TRPS1: variants seen among roughly 807,000 people sequenced by gnomAD.
The protein encoded by TRPS1 is zinc finger transcription factor Trps1.
A neutral mutation model predicts 101.2 loss-of-function variants in TRPS1; 6 were observed. The observed-to-expected ratio is 0.06, with a 90% CI of 0.03 to 0.12. The LOEUF is 0.12. TRPS1 is among the 10% of genes least tolerant of loss of function. The pLI is 1.00. For synonymous variants in TRPS1, 578 were observed against 589.8 expected (o/e 0.98, Z 0.29); for missense variants, 1,363 against 1,567.0 (o/e 0.87, Z 2.20).
chr8:115,440,471 G>A (rs1448411520), intron 5 of TRPS1, among the ~76,000 whole-genome samples: 2 of 152,192 alleles, frequency 1.3e-5, no homozygotes, highest in African/African-American at 2.4e-5. Flanking sequence ...GTGCCTGTAA[G>A]TTGTAACAGG....
chr8:115,440,583 G>T (rs1459132933), intron 5 of TRPS1, among the ~76,000 whole-genome samples: 1 of 152,184 alleles, frequency 6.6e-6, no homozygotes, highest in South Asian at 2.1e-4. Flanking sequence ...TAAAAATATA[G>T]ATGTTTACAT....
At position 115,568,269 on chromosome 8, in the gene TRPS1, T is replaced by C. The variant is rs187841332; in HGVS notation, c.2700+18732A>G. 1.9e-3 allele frequency among the ~76,000 whole-genome samples: 288 copies of C among 152,312 alleles called. 1 individual carries two copies. The highest frequency in any genetic ancestry group is 6.5e-3 in the African/African-American group (270 of 41,578). ...TATTTATAAAGGTTAAGTTGAATAGTATATACATGCACATATATGCAAATA... is the reference window on the plus strand; with the variant it reads ...TATTTATAAAGGTTAAGTTGAATAGCATATACATGCACATATATGCAAATA... On this transcript the variant is annotated intron_variant, in intron 5 of 6. Transcript: ENST00000395715.
intron 5 of TRPS1, among the ~76,000 whole-genome samples, chr8:115,424,369 T>C (rs1438766665): frequency 6.6e-6 from 1 of 152,254 alleles, no homozygotes; most frequent in Non-Finnish European, 1.5e-5. Flanking sequence ...TTCACAGTAA[T>C]ACAATTTCAG....
intron 5 of TRPS1, among the ~76,000 whole-genome samples, chr8:115,477,184 T>C (rs763214206): frequency 6.6e-6 from 1 of 152,038 alleles, no homozygotes; most frequent in Non-Finnish European, 1.5e-5. Flanking sequence ...GATATGGAAT[T>C]AGAAAAAAAG....
intron 1 of TRPS1, among the ~76,000 whole-genome samples, chr8:115,656,875 C>T (rs1047724366): frequency 1.3e-5 from 2 of 151,750 alleles, no homozygotes; most frequent in South Asian, 2.1e-4. Flanking sequence ...AAGAAAACCC[C>T]GAAAAGATAA....
chr8:115,621,531 C>A (rs1197782947), intron 2 of TRPS1, among the ~76,000 whole-genome samples: 2 of 152,110 alleles, frequency 1.3e-5, no homozygotes, highest in East Asian at 3.9e-4. Context: ...AATCACTGAA[C>A]AAGGATAGTG....
intron 5 of TRPS1, among the ~76,000 whole-genome samples, chr8:115,477,427 G>A (rs1273717310): frequency 6.6e-6 from 1 of 152,178 alleles, no homozygotes; most frequent in African/African-American, 2.4e-5. Context: ...GTGTCTAGAA[G>A]TGCTCCTGTA....
intron 1 of TRPS1, among the ~76,000 whole-genome samples, chr8:115,655,608 A>T (rs1200493688): frequency 6.6e-6 from 1 of 152,198 alleles, no homozygotes; most frequent in African/African-American, 2.4e-5. Context: ...TAGCTCAGAA[A>T]GTTAATATAT....
chr8:115,623,566 G>C (rs1336534185), intron 2 of TRPS1, 35 bp downstream of exon 2: 2 of 1,608,796 alleles, frequency 1.2e-6, no homozygotes, highest in Non-Finnish European at 1.7e-6. Flanking sequence ...AACTTTTCCA[G>C]TTAACATTTT....
chr8:115,635,860 A>T (rs923487793), intron 1 of TRPS1, among the ~76,000 whole-genome samples: 24 of 152,174 alleles, frequency 1.6e-4, no homozygotes, highest in African/African-American at 5.5e-4. Context: ...TAACACATAA[A>T]TGTTGTAGAA....
intron 5 of TRPS1, among the ~76,000 whole-genome samples, chr8:115,532,641 T>C (rs1228549143): frequency 6.6e-6 from 1 of 152,120 alleles, no homozygotes; most frequent in Admixed American, 6.6e-5. Flanking sequence ...GAAGCATGAA[T>C]AGAATTTATA....
At chr8:115,631,453 C>G (rs926106344) in intron 1 of TRPS1, among the ~76,000 whole-genome samples, 1 of 152,166 alleles carries the variant, frequency 6.6e-6, no homozygotes, top group South Asian at 2.1e-4. Context: ...TGCAACACAT[C>G]TGAGGCTCAT....
chr8:115,524,270 A>G (rs931229971), intron 5 of TRPS1, among the ~76,000 whole-genome samples: 6 of 151,526 alleles, frequency 4.0e-5, no homozygotes, highest in African/African-American at 1.5e-4. Flanking sequence ...TCATAACATA[A>G]AACACTCACA....
intron 1 of TRPS1, among the ~76,000 whole-genome samples, chr8:115,666,079 TTTA>T (rs1232568663): frequency 6.6e-6 from 1 of 152,126 alleles, no homozygotes; most frequent in African/African-American, 2.4e-5. Flanking sequence ...CCTCAGGAGT[TTTA>T]TTTTCACATT....
At chr8:115,519,409 A>T (rs1278127365) in intron 5 of TRPS1, among the ~76,000 whole-genome samples, 1 of 151,640 alleles carries the variant, frequency 6.6e-6, no homozygotes, top group African/African-American at 2.4e-5. Context: ...TCCTTTAGAA[A>T]TCATGTCCCA....
At position 115,410,332 on chromosome 8, in the gene TRPS1, A is replaced by T. The variant is rs2129724872; in HGVS notation, c.*3691T>A. ...TGTGCAATTATAAACATAATGTGCT[A>T]CCACAGGCTTCAACAAAGAGCTGTT... On this transcript the variant is annotated 3_prime_UTR_variant, in exon 7 of 7. Coordinates refer to ENST00000395715, the MANE Select transcript of TRPS1 (RefSeq NM_014112.5). 6.6e-6 allele frequency: 1 copy of T among 152,622 alleles called. No homozygotes were observed. Among genetic ancestry groups the T allele is most frequent in the South Asian group, 2.1e-4 (1 of 4,820 alleles). 9.5% of individuals were successfully genotyped at this position (152,622 alleles called of 1,614,324 possible).
At chr8:115,541,677 T>C (rs1464173800) in intron 5 of TRPS1, among the ~76,000 whole-genome samples, 1 of 152,192 alleles carries the variant, frequency 6.6e-6, no homozygotes, top group East Asian at 1.9e-4. Context: ...AGGTTCCTCA[T>C]TTGTAAAACG....
intron 5 of TRPS1, among the ~76,000 whole-genome samples, chr8:115,562,285 CTCTT>C (rs1209689410): frequency 1.3e-5 from 2 of 151,994 alleles, no homozygotes; most frequent in African/African-American, 4.8e-5. Flanking sequence ...TTTCAATAGT[CTCTT>C]TACTCTGATT....
intron 5 of TRPS1, among the ~76,000 whole-genome samples, chr8:115,548,762 A>G (rs1294319681): frequency 3.3e-5 from 5 of 152,246 alleles, no homozygotes; most frequent in Non-Finnish European, 7.3e-5. Context: ...ATAAGACTAC[A>G]TTCAAATTCA....
Sources: allele counts gnomAD v4.1 joint callset (sites outside exome capture counted in the v4.1 genomes callset), GRCh38; gene constraint gnomAD v4.1.1; transcripts MANE v1.5; gene names NCBI Gene and HGNC (gene_info 2026-07-23, HGNC 2026-07-21).